Variants in AVEN observed in about 807,000 individuals in gnomAD.
AVEN encodes apoptosis and caspase activation inhibitor.
Under a neutral mutation model 38.1 loss-of-function variants are expected in AVEN, and 41 were observed. That is an observed-to-expected ratio of 1.08 (90% CI 0.84 to 1.40). The LOEUF is 1.40. Ranked by LOEUF, AVEN falls within the 40% of genes most tolerant of loss-of-function variation. The pLI, the probability that AVEN is intolerant of heterozygous loss-of-function variation, is 0.00. For synonymous variants in AVEN, 206 were observed against 171.8 expected (o/e 1.20, Z -1.56); for missense variants, 605 against 438.8 (o/e 1.38, Z -3.38).
At chr15:33,897,895 A>C (rs145776495) in intron 2 of AVEN, among the ~76,000 whole-genome samples, 79 of 150,984 alleles carry the variant, frequency 5.2e-4, no homozygotes, top group African/African-American at 1.8e-3. Flanking sequence ...GCAAAGCAAA[A>C]AATAGCTGAA....
chr15:34,048,320 C>T (rs914800534), intron 5 of AVEN, among the ~76,000 whole-genome samples: 7 of 152,128 alleles, frequency 4.6e-5, no homozygotes, highest in South Asian at 2.1e-4. Context: ...GAGGGGCAGC[C>T]GCCATCTGTG....
intron 2 of AVEN, among the ~76,000 whole-genome samples, chr15:33,977,786 T>C (rs1224456766): frequency 6.6e-6 from 1 of 152,028 alleles, no homozygotes; most frequent in East Asian, 1.9e-4. Context: ...GAAAGGACTA[T>C]TTCAGGCCAG....
At chr15:33,912,875 T>C (rs1384756729) in intron 2 of AVEN, among the ~76,000 whole-genome samples, 1 of 143,670 alleles carries the variant, frequency 7.0e-6, no homozygotes, top group Non-Finnish European at 1.5e-5. Context: ...AAGATTATCA[T>C]GTAAAAGGCA....
At chr15:33,934,514 A>G (rs1403498005) in intron 2 of AVEN, among the ~76,000 whole-genome samples, 1 of 152,202 alleles carries the variant, frequency 6.6e-6, no homozygotes, top group Non-Finnish European at 1.5e-5. Flanking sequence ...ATTCTGATCT[A>G]TCTCACCTTG....
intron 2 of AVEN, chr15:33,972,161 A>T (rs909505478): frequency 1.2e-4 from 19 of 152,160 alleles, no homozygotes; most frequent in African/African-American, 4.6e-4. Flanking sequence ...CAAAAGCGGG[A>T]GTAAACATCA....
rs1352098938 is a variant in AVEN at position 33,933,522 on chromosome 15, CACAGAGAGAGAGAGAGAGAGAGAGAG to C, written c.446-57553_446-57528del. 2.0e-3 allele frequency among the ~76,000 whole-genome samples: 104 copies of C among 53,246 alleles called. 1 individual carries two copies. Among genetic ancestry groups the C allele is most frequent in the African/African-American group, 3.9e-3 (61 of 15,506 alleles). The allele number at this position is 53,246 out of a possible 152,430, so 34.9% of individuals were successfully genotyped here. A position where few individuals can be genotyped will look rare whatever the true frequency, so the allele number is the denominator to read the frequency against. On this transcript the variant is annotated intron_variant, in intron 2 of 5. Coordinates refer to ENST00000306730, the MANE Select transcript of AVEN (RefSeq NM_020371.3). Reference sequence around the variant, plus strand: ...ACACACACACACACACACACACACACACAGAGAGAGAGAGAGAGAGAGAGAGAGAGAGAGAGAGAGAGAGAGAGAGA... The same window carrying C: ...ACACACACACACACACACACACACACAGAGAGAGAGAGAGAGAGAGAGAGA...
rs1321431305 is a variant in AVEN at position 34,014,106 on chromosome 15, C to T, written c.268-10897G>A. Among the ~76,000 whole-genome samples, 3 of 152,222 alleles carry T rather than the reference C, an allele frequency of 2.0e-5. 1 individual carries two copies. In the South Asian group the frequency reaches 6.2e-4, roughly 32 times the overall value. ...AGCTGGGCACAGTGGCTCACGCCTG[C>T]AATCCCAGCACTCTGGGAGGCCAAC... On this transcript the variant is annotated intron_variant, in intron 1 of 5. Coordinates refer to ENST00000306730, the MANE Select transcript of AVEN (RefSeq NM_020371.3).
intron 2 of AVEN, among the ~76,000 whole-genome samples, chr15:33,956,062 G>C (rs1158745895): frequency 6.6e-6 from 1 of 152,068 alleles, no homozygotes; most frequent in Non-Finnish European, 1.5e-5. Context: ...GACCTTTTGG[G>C]GTAAGTGACT....
chr15:33,882,209 A>G (rs567043133), intron 2 of AVEN, among the ~76,000 whole-genome samples: 1 of 152,324 alleles, frequency 6.6e-6, no homozygotes, highest in South Asian at 2.1e-4. Context: ...AAAATCCCAT[A>G]ATATTCTACT....
downstream of AVEN, chr15:33,864,954 G>T: frequency 1.8e-6 from 1 of 551,738 alleles, no homozygotes; most frequent in East Asian, 2.9e-5. Flanking sequence ...AGAGAGACAT[G>T]GCTTCTTGCT....
chr15:33,937,490 G>A lies in AVEN; in HGVS notation c.446-61495C>T, dbSNP rs549637542. Among the ~76,000 whole-genome samples the A allele has an allele frequency of 3.3e-5, 5 of 151,624 alleles. No individual in the cohort carries two copies. The South Asian group carries it at 6.3e-4, about 19-fold the overall frequency. On this transcript the variant is annotated intron_variant, in intron 2 of 5. Coordinates refer to ENST00000306730, the MANE Select transcript of AVEN (RefSeq NM_020371.3). ...GGAGCTTGCAGTGAGCCGAGATCAC[G>A]CCACTGCACTCCAGCCTGGGCGACA...
chr15:33,918,428 AT>A (rs1421513441), intron 2 of AVEN, among the ~76,000 whole-genome samples: 1 of 133,466 alleles, frequency 7.5e-6, no homozygotes, highest in Non-Finnish European at 1.6e-5. Flanking sequence ...AAATGTGATG[AT>A]GTTGTGTCTT....
chr15:33,940,985 A>G (rs953794126), intron 2 of AVEN, among the ~76,000 whole-genome samples: 11 of 152,230 alleles, frequency 7.2e-5, no homozygotes, highest in African/African-American at 2.4e-4. Context: ...TATTAGTTCT[A>G]CAAGATGCTC....
At chr15:33,976,785 G>A (rs73383760) in intron 2 of AVEN, among the ~76,000 whole-genome samples, 6,059 of 152,042 alleles carry the variant, frequency 0.04, 427 homozygotes, top group African/African-American at 0.14. Context: ...TAAATTTATT[G>A]TACCTTTCCT....
At chr15:33,882,484 CT>C (rs1891528398) in intron 2 of AVEN, among the ~76,000 whole-genome samples, 1 of 151,784 alleles carries the variant, frequency 6.6e-6, no homozygotes, top group Admixed American at 6.6e-5. Context: ...AACTACATTG[CT>C]CTATTGCCAC....
chr15:33,996,507 G>T (rs1256019326), intron 2 of AVEN, among the ~76,000 whole-genome samples: 1 of 152,188 alleles, frequency 6.6e-6, no homozygotes, highest in Non-Finnish European at 1.5e-5. Flanking sequence ...AGCAACATTT[G>T]CTGTCCTGCA....
chr15:33,899,824 C>G (rs562144656), intron 2 of AVEN, among the ~76,000 whole-genome samples: 2 of 152,236 alleles, frequency 1.3e-5, no homozygotes, highest in Admixed American at 1.3e-4. Context: ...AGATTTCTGA[C>G]TAGCAGAAAA....
intron 2 of AVEN, among the ~76,000 whole-genome samples, chr15:33,878,327 A>G (rs1000282745): frequency 1.2e-4 from 18 of 152,218 alleles, no homozygotes; most frequent in Admixed American, 1.2e-3. Flanking sequence ...GAAAAACATA[A>G]GAACAGAAGA....
intron 2 of AVEN, among the ~76,000 whole-genome samples, chr15:33,878,909 T>C (rs1422574047): frequency 6.6e-6 from 1 of 152,144 alleles, no homozygotes; most frequent in Non-Finnish European, 1.5e-5. Context: ...GAATGCCTTA[T>C]TCAGTGTTGT....
Sources: allele counts gnomAD v4.1 joint callset (sites outside exome capture counted in the v4.1 genomes callset), GRCh38; gene constraint gnomAD v4.1.1; transcripts MANE v1.5; gene names NCBI Gene and HGNC (gene_info 2026-07-23, HGNC 2026-07-21).